Variants in HEATR4 observed in about 807,000 individuals in gnomAD.
The protein encoded by HEATR4 is HEAT repeat-containing protein 4.
A neutral mutation model predicts 108.8 loss-of-function variants in HEATR4; 95 were observed. That is an observed-to-expected ratio of 0.87 (90% CI 0.74 to 1.04). HEATR4 has a LOEUF of 1.04. HEATR4 is among the 50% of genes least tolerant of loss of function. The pLI, the probability that HEATR4 is intolerant of heterozygous loss-of-function variation, is 0.00. For synonymous variants in HEATR4, 443 were observed against 459.4 expected, an observed-to-expected ratio of 0.96 and a Z score of 0.46; for missense variants, 1,152 against 1,253.8, an observed-to-expected ratio of 0.92 and a Z score of 1.23.
intron 1 of HEATR4, among the ~76,000 whole-genome samples, chr14:73,544,099 C>T (rs4903123): frequency 0.33 from 37,823 of 112,976 alleles, 14,689 homozygotes; most frequent in Admixed American, 0.48. Context: ...TTGAGACCAG[C>T]CTGGCCAACA....
intron 6 of HEATR4, among the ~76,000 whole-genome samples, chr14:73,513,662 G>A (rs939388667): frequency 7.3e-6 from 1 of 137,892 alleles, no homozygotes; most frequent in Non-Finnish European, 1.5e-5. Context: ...AGGAAGCAGA[G>A]GTTGCAGTAA....
At chr14:73,599,843 A>T in the HEATR4 span, among the ~76,000 whole-genome samples, 1 of 152,186 alleles carries the variant, frequency 6.6e-6, no homozygotes, top group South Asian at 2.1e-4. Context: ...TGGCAAATAC[A>T]GTCTGCCTTC....
intron 1 of HEATR4, among the ~76,000 whole-genome samples, chr14:73,558,472 T>C (rs1281106075): frequency 3.0e-5 from 4 of 135,430 alleles, no homozygotes; most frequent in African/African-American, 1.1e-4. Flanking sequence ...TCCTCCCACA[T>C]AGCTGGGAGC....
chr14:73,595,494 T>C, the HEATR4 span: 6 of 1,613,756 alleles, frequency 3.7e-6, no homozygotes, highest in Non-Finnish European at 5.1e-6. Context: ...TACTTCCCCC[T>C]GTGCCCAGCT....
intron 4 of HEATR4, among the ~76,000 whole-genome samples, chr14:73,519,563 G>A (rs1887846291): frequency 6.6e-6 from 1 of 152,024 alleles, no homozygotes; most frequent in Admixed American, 6.6e-5. Context: ...GGGCAACACT[G>A]TAAGACCCCC....
At chr14:73,622,148 C>A in the HEATR4 span, among the ~76,000 whole-genome samples, 1 of 151,942 alleles carries the variant, frequency 6.6e-6, no homozygotes, top group Admixed American at 6.6e-5. Context: ...TGGAGATGCT[C>A]TTGGGGTGGG....
intron 17 of HEATR4, among the ~76,000 whole-genome samples, chr14:73,487,780 G>C (rs1401884363): frequency 6.6e-6 from 1 of 152,194 alleles, no homozygotes; most frequent in Non-Finnish European, 1.5e-5. Flanking sequence ...TGAGATGAAG[G>C]AGATGGTAGC....
the HEATR4 span, among the ~76,000 whole-genome samples, chr14:73,623,753 C>G: frequency 6.6e-6 from 1 of 151,998 alleles, no homozygotes; most frequent in African/African-American, 2.4e-5. Context: ...GAGGGCCAAC[C>G]CCTCAGGAAT....
chr14:73,592,309 G>T, the HEATR4 span: 1 of 1,611,202 alleles, frequency 6.2e-7, no homozygotes, highest in East Asian at 2.2e-5. Flanking sequence ...CCCGAGCCTG[G>T]ACGGCTGCTG....
At chr14:73,507,392 A>T (rs1886924213) in intron 9 of HEATR4, among the ~76,000 whole-genome samples, 1 of 152,266 alleles carries the variant, frequency 6.6e-6, no homozygotes, top group Admixed American at 6.5e-5. Flanking sequence ...CTTATGCTTG[A>T]GATTGTCAAC....
At chr14:73,581,442 GAT>G in the HEATR4 span, 11 of 151,696 alleles carry the variant, frequency 7.3e-5, no homozygotes, top group Non-Finnish European at 1.5e-4. Flanking sequence ...AATGCCTCGT[GAT>G]GTGTGTGTGT....
intron 1 of HEATR4, among the ~76,000 whole-genome samples, chr14:73,544,195 G>A (rs561531035): frequency 8.7e-6 from 1 of 115,438 alleles, no homozygotes; most frequent in African/African-American, 2.8e-5. Context: ...TCAGGAGGCT[G>A]ACGCAGGAGA....
intron 10 of HEATR4, among the ~76,000 whole-genome samples, chr14:73,505,825 GA>G (rs1204703757): frequency 1.3e-5 from 2 of 151,312 alleles, no homozygotes; most frequent in Admixed American, 1.3e-4. Context: ...TGGCGGGGGG[GA>G]AATATGTCAT....
At chr14:73,553,353 A>C (rs1317176169) in intron 1 of HEATR4, among the ~76,000 whole-genome samples, 2 of 112,336 alleles carry the variant, frequency 1.8e-5, no homozygotes, top group African/African-American at 5.8e-5. Flanking sequence ...CTAAAAATCC[A>C]AAAAATAATT....
the HEATR4 span, among the ~76,000 whole-genome samples, chr14:73,627,221 A>G: frequency 1.3e-5 from 2 of 151,806 alleles, no homozygotes; most frequent in Non-Finnish European, 2.9e-5. Context: ...CTCTCACTCA[A>G]CGCAACAATC....
At chr14:73,479,461 G>A (rs577916630) in intron 17 of HEATR4, among the ~76,000 whole-genome samples, 1 of 120,156 alleles carries the variant, frequency 8.3e-6, no homozygotes, top group Non-Finnish European at 1.7e-5. Flanking sequence ...TTTTTGAGAC[G>A]GAGTTTCGCT....
intron 7 of HEATR4, among the ~76,000 whole-genome samples, chr14:73,511,711 C>CCAAAAA (rs1414436508): frequency 5.9e-5 from 9 of 151,938 alleles, no homozygotes; most frequent in African/African-American, 1.9e-4. Flanking sequence ...ACAGTCTCTA[C>CCAAAAA]CAAAAACAAA....
the HEATR4 span, among the ~76,000 whole-genome samples, chr14:73,614,900 C>T: frequency 3.3e-5 from 5 of 150,526 alleles, no homozygotes; most frequent in Admixed American, 6.6e-5. Flanking sequence ...AGTTCGAGAC[C>T]AGCCTGACCA....
chr14:73,612,678 C>A, the HEATR4 span: 12 of 1,404,516 alleles, frequency 8.5e-6, no homozygotes, highest in Admixed American at 1.3e-4. Context: ...ACGCTGCGCA[C>A]GTCCCTGCGC....
Sources: allele counts gnomAD v4.1 joint callset (sites outside exome capture counted in the v4.1 genomes callset), GRCh38; gene constraint gnomAD v4.1.1; transcripts MANE v1.5; gene names NCBI Gene and HGNC (gene_info 2026-07-23, HGNC 2026-07-21).